The following OPHN1 variants were observed in gnomAD, a reference collection of about 807,000 sequenced individuals.
OPHN1 encodes the protein oligophrenin 1.
A neutral mutation model predicts 60.7 loss-of-function variants in OPHN1; 11 were observed. The observed-to-expected ratio is 0.18, with a 90% CI of 0.11 to 0.30. OPHN1 has a LOEUF of 0.30. Ranked by LOEUF, OPHN1 falls within the 10% of genes least tolerant of loss-of-function variation. OPHN1 has a pLI of 1.00. For synonymous variants in OPHN1, 226 were observed against 222.6 expected (o/e 1.02, Z -0.14); for missense variants, 449 against 611.0 (o/e 0.73, Z 2.80).
intron 2 of OPHN1, among the ~76,000 whole-genome samples, chrX:68,308,466 C>T (rs2078156910): frequency 9.2e-6 from 1 of 108,944 alleles, no homozygotes; most frequent in Admixed American, 9.9e-5. Flanking sequence ...GTGGTGTGTG[C>T]CTGTGGTTCT....
chrX:68,148,320 GTTGT>G (rs1395025834), intron 15 of OPHN1, among the ~76,000 whole-genome samples: 1 of 111,271 alleles, frequency 9.0e-6, no homozygotes, highest in Non-Finnish European at 1.9e-5. Flanking sequence ...TAGTATCAGG[GTTGT>G]TTATGCCAAC....
At chrX:68,314,168 CAA>C (rs1056982697) in intron 2 of OPHN1, among the ~76,000 whole-genome samples, 1 of 111,514 alleles carries the variant, frequency 9.0e-6, no homozygotes, top group Admixed American at 9.6e-5. Context: ...AACTGAATAA[CAA>C]AGAAACAGAA....
chrX:68,396,642 C>A (rs1025528934), intron 2 of OPHN1, among the ~76,000 whole-genome samples: 2 of 108,472 alleles, frequency 1.8e-5, no homozygotes, highest in African/African-American at 6.7e-5. Flanking sequence ...TGGTGAAACC[C>A]CATCTCTCCT....
At chrX:68,140,164 A>G (rs1174806453) in intron 15 of OPHN1, among the ~76,000 whole-genome samples, 3 of 111,923 alleles carry the variant, frequency 2.7e-5, no homozygotes, top group Non-Finnish European at 5.6e-5. Flanking sequence ...ACCACCTTCA[A>G]GTAGTCAACC....
intron 23 of OPHN1, among the ~76,000 whole-genome samples, chrX:68,050,628 G>A (rs1161362855): frequency 1.8e-5 from 2 of 111,932 alleles, no homozygotes; most frequent in Non-Finnish European, 3.8e-5. Flanking sequence ...GTCCAAGCTT[G>A]CAGATCAATA....
intron 15 of OPHN1, among the ~76,000 whole-genome samples, chrX:68,181,922 T>C (rs1479558862): frequency 8.9e-6 from 1 of 112,307 alleles, no homozygotes; most frequent in Non-Finnish European, 1.9e-5. Flanking sequence ...TTCAAGTCCA[T>C]GGTGTTCACA....
At chrX:68,371,606 A>G (rs900364323) in intron 2 of OPHN1, among the ~76,000 whole-genome samples, 1 of 111,963 alleles carries the variant, frequency 8.9e-6, no homozygotes, top group African/African-American at 3.2e-5. Context: ...ATAGGTTTGT[A>G]GCCTAGGAGC....
At chrX:68,181,501 T>C (rs1471646363) in intron 15 of OPHN1, among the ~76,000 whole-genome samples, 1 of 111,479 alleles carries the variant, frequency 9.0e-6, no homozygotes, top group Non-Finnish European at 1.9e-5. Flanking sequence ...CTGCTAAATC[T>C]GGCAACCCTA....
intron 15 of OPHN1, among the ~76,000 whole-genome samples, chrX:68,165,845 G>A (rs1235504228): frequency 8.9e-6 from 1 of 112,428 alleles, no homozygotes; most frequent in Non-Finnish European, 1.9e-5. Context: ...TGAAGATGGT[G>A]TAAACCAGGC....
At chrX:68,217,322 C>T (rs976150615) in intron 6 of OPHN1, among the ~76,000 whole-genome samples, 9 of 111,820 alleles carry the variant, frequency 8.0e-5, no homozygotes, top group Non-Finnish European at 1.5e-4. Flanking sequence ...AGTCTGAGAT[C>T]AAACTGCAAG....
At chrX:68,192,371 C>T (rs1342691357) in intron 15 of OPHN1, among the ~76,000 whole-genome samples, 1 of 108,731 alleles carries the variant, frequency 9.2e-6, no homozygotes, top group African/African-American at 3.4e-5. Context: ...TAGTGGCACA[C>T]GCCTATAGTC....
At chrX:68,111,721 A>G in intron 18 of OPHN1, 133 bp downstream of exon 18, 1 of 511,490 alleles carries the variant, frequency 2.0e-6, no homozygotes, top group East Asian at 3.5e-5. Context: ...AGCCTTCCTC[A>G]CAGAGCATTC....
chrX:68,132,066 G>A lies in OPHN1; in HGVS notation c.1277-12734C>T, dbSNP rs151132049. Among the ~76,000 whole-genome samples the A allele has an allele frequency of 7.4e-4, 83 of 111,777 alleles. 1 individual carries two copies. In the East Asian group the frequency reaches 0.021, roughly 28 times the overall value. ...ATCTGTGGGATACATTTAATGAGGC[G>A]ATTAGAGGAAAATTCAGTTTTTGCC... On this transcript the variant is annotated intron_variant, in intron 15 of 24. Coordinates refer to ENST00000355520, the MANE Select transcript of OPHN1 (RefSeq NM_002547.3).
At chrX:68,255,724 T>TACAC (rs761753695) in intron 5 of OPHN1, among the ~76,000 whole-genome samples, 1 of 106,504 alleles carries the variant, frequency 9.4e-6, no homozygotes, top group Non-Finnish European at 1.9e-5. Flanking sequence ...CCGCTCTACA[T>TACAC]ACACACACAC....
At chrX:68,388,662 A>C (rs1237868432) in intron 2 of OPHN1, among the ~76,000 whole-genome samples, 1 of 110,649 alleles carries the variant, frequency 9.0e-6, no homozygotes, top group Non-Finnish European at 1.9e-5. Flanking sequence ...AAGTATTCAC[A>C]GATGAAATGA....
chrX:68,170,925 A>C (rs1368173771), intron 15 of OPHN1, among the ~76,000 whole-genome samples: 1 of 110,235 alleles, frequency 9.1e-6, no homozygotes, highest in Non-Finnish European at 1.9e-5. Flanking sequence ...TAAAACTTAA[A>C]GTATAATAAT....
At chrX:68,194,322 A>C (rs2077501502) in intron 13 of OPHN1, 143 bp downstream of exon 13, 1 of 564,104 alleles carries the variant, frequency 1.8e-6, no homozygotes, top group Non-Finnish European at 3.1e-6. Flanking sequence ...CATTTAAAAA[A>C]TATATGGCTG....
chrX:68,299,194 G>A (rs753078755), intron 2 of OPHN1, 98 bp from the exon 3 acceptor site: 1 of 542,818 alleles, frequency 1.8e-6, no homozygotes, highest in Admixed American at 2.5e-5. Flanking sequence ...CCAAAGGTAA[G>A]TGCTCTGAGC....
At chrX:68,078,989 A>AAAT (rs1317941725) in intron 19 of OPHN1, among the ~76,000 whole-genome samples, 2 of 94,111 alleles carry the variant, frequency 2.1e-5, no homozygotes, top group African/African-American at 7.2e-5. Context: ...GTCTCAAAAT[A>AAAT]AATAAATAAA....
Sources: gnomAD v4.1 joint callset for allele counts (sites outside exome capture counted in the v4.1 genomes callset) on GRCh38, gnomAD v4.1.1 for gene constraint, MANE v1.5 for transcripts, NCBI Gene and HGNC (gene_info 2026-07-23, HGNC 2026-07-21) for gene names.